Variants in ARL6IP6 observed in about 807,000 individuals in gnomAD.
The protein encoded by ARL6IP6 is ADP-ribosylation factor-like protein 6-interacting protein 6.
Under a neutral mutation model 21.5 loss-of-function variants are expected in ARL6IP6, and 22 were observed. That is an observed-to-expected ratio of 1.02 (90% CI 0.73 to 1.46). ARL6IP6 has a LOEUF of 1.46. Among genes scored for constraint, ARL6IP6 ranks in the 40% most tolerant of loss-of-function variants. The probability of loss-of-function intolerance (pLI) is 0.00; values close to 1 mark genes in which losing one functional copy is unlikely to be tolerated. For synonymous variants in ARL6IP6, 164 were observed against 125.3 expected (o/e 1.31, Z -2.06); for missense variants, 388 against 299.8 (o/e 1.29, Z -2.17).
At chr2:152,728,809 C>T (rs1377570741) in intron 2 of ARL6IP6, among the ~76,000 whole-genome samples, 1 of 152,052 alleles carries the variant, frequency 6.6e-6, no homozygotes, top group Non-Finnish European at 1.5e-5. Context: ...GACTGAAATC[C>T]CAGAACTTTG....
At chr2:152,736,204 ATC>A (rs1700544611) in intron 3 of ARL6IP6, among the ~76,000 whole-genome samples, 1 of 152,230 alleles carries the variant, frequency 6.6e-6, no homozygotes, top group Non-Finnish European at 1.5e-5. Flanking sequence ...TTACAATGCC[ATC>A]CCGTAGTTTA....
intron 3 of ARL6IP6, among the ~76,000 whole-genome samples, chr2:152,746,475 T>A (rs1320907536): frequency 6.6e-6 from 1 of 152,230 alleles, no homozygotes; most frequent in East Asian, 1.9e-4. Flanking sequence ...TTTAACAACC[T>A]ATAAATTACC....
chr2:152,718,239 G>C (rs563113995), upstream of ARL6IP6: 46 of 334,532 alleles, frequency 1.4e-4, no homozygotes, highest in Non-Finnish European at 1.8e-4. Flanking sequence ...GCTAGGACCC[G>C]GCGTCGAAAA....
rs539939386 is a variant in ARL6IP6, at chr2:152,755,219, C to CA, written c.588-4527dup. On this transcript the variant is annotated intron_variant, in intron 3 of 3. Coordinates refer to ENST00000326446, the MANE Select transcript of ARL6IP6 (RefSeq NM_152522.7). ...GCGGTAACGCCAGCATCTGCGAAGA[C>CA]ACGCGTTGCCAAGCGGACCATGGTC... 2.4e-4 allele frequency among the ~76,000 whole-genome samples: 36 copies of CA among 152,332 alleles called. 1 individual carries two copies. The East Asian group carries it at 6.6e-3, about 28-fold the overall frequency.
chr2:152,735,555 A>G (rs1700512922), intron 3 of ARL6IP6, among the ~76,000 whole-genome samples: 1 of 152,184 alleles, frequency 6.6e-6, no homozygotes, highest in Non-Finnish European at 1.5e-5. Flanking sequence ...ATTAGCAAAC[A>G]TTTATGGTAC....
At chr2:152,723,649 C>G (rs1308077205) in intron 2 of ARL6IP6, among the ~76,000 whole-genome samples, 2 of 152,100 alleles carry the variant, frequency 1.3e-5, no homozygotes, top group East Asian at 3.9e-4. Flanking sequence ...AATCCTAGTC[C>G]AAGATTGGCA....
At chr2:152,726,296 C>G (rs1476879891) in intron 2 of ARL6IP6, among the ~76,000 whole-genome samples, 2 of 152,182 alleles carry the variant, frequency 1.3e-5, no homozygotes, top group African/African-American at 4.8e-5. Flanking sequence ...ATGCTACAGT[C>G]TGGGTTGCAG....
chr2:152,718,511 C>T (rs946930031), upstream of ARL6IP6: 44 of 1,434,324 alleles, frequency 3.1e-5, no homozygotes, highest in Admixed American at 9.0e-4. Context: ...GTGGTTTACC[C>T]CTGGGCTCTG....
chr2:152,736,082 T>C (rs1238939653), intron 3 of ARL6IP6, among the ~76,000 whole-genome samples: 4 of 152,184 alleles, frequency 2.6e-5, no homozygotes, highest in Admixed American at 6.5e-5. Context: ...TTTAGTGTTT[T>C]AATCCCTATG....
At chr2:152,742,823 T>C (rs911277696) in intron 3 of ARL6IP6, among the ~76,000 whole-genome samples, 2 of 152,150 alleles carry the variant, frequency 1.3e-5, no homozygotes, top group Non-Finnish European at 2.9e-5. Flanking sequence ...TAGGTGTTAC[T>C]ATTAGTCTGG....
upstream of ARL6IP6, chr2:152,717,703 C>A: frequency 7.2e-7 from 1 of 1,386,836 alleles, no homozygotes; most frequent in Non-Finnish European, 9.4e-7. Context: ...CTACCAACTT[C>A]CCCAGGGGAA....
In ARL6IP6 at chr2:152,746,021, TTTTTTTTTTTTTTA is replaced by T. The variant is rs1415570594; in HGVS notation, c.587+10896_587+10909del. On this transcript the variant is annotated intron_variant, in intron 3 of 3. Coordinates refer to ENST00000326446, the MANE Select transcript of ARL6IP6 (RefSeq NM_152522.7). ...TGTACCTTTTTTTTTTTTTTTTTTT[TTTTTTTTTTTTTTA>T]AAGACAGGTTCTCACTTTGTTGCCC... Among the ~76,000 whole-genome samples the T allele has an allele frequency of 4.3e-5, 5 of 116,602 alleles. No homozygotes were observed. In the East Asian group the frequency reaches 1.0e-3, roughly 24 times the overall value. 76.5% of individuals were successfully genotyped at this position (116,602 alleles called of 152,430 possible). A position where few individuals can be genotyped will look rare whatever the true frequency, so the allele number is the denominator to read the frequency against.
At chr2:152,730,604 A>C (rs774283322) in intron 2 of ARL6IP6, among the ~76,000 whole-genome samples, 1 of 152,082 alleles carries the variant, frequency 6.6e-6, no homozygotes, top group Non-Finnish European at 1.5e-5. Flanking sequence ...TGTTCACCCA[A>C]TTCCAGGTTG....
chr2:152,749,481 C>CT (rs1701220273), intron 3 of ARL6IP6, among the ~76,000 whole-genome samples: 1 of 152,150 alleles, frequency 6.6e-6, no homozygotes, highest in Non-Finnish European at 1.5e-5. Flanking sequence ...AAGGGAGAAT[C>CT]TAAGTAGATG....
intron 3 of ARL6IP6, among the ~76,000 whole-genome samples, chr2:152,743,283 A>G (rs530056459): frequency 1.4e-4 from 21 of 152,304 alleles, no homozygotes; most frequent in African/African-American, 4.8e-4. Flanking sequence ...TGTCACATCT[A>G]GGATAGAAAT....
rs988829469 is a variant in ARL6IP6, at chr2:152,761,623, C to T, written c.*1783C>T. ...CTGTACTTATGATAGTGAATCCCCC[C>T]GTAAGATTATACTGCTGCATTTTTT... On this transcript the variant is annotated 3_prime_UTR_variant, in exon 4 of 4. Coordinates refer to ENST00000326446, the MANE Select transcript of ARL6IP6 (RefSeq NM_152522.7). Among the ~76,000 whole-genome samples the T allele has an allele frequency of 3.3e-5, 5 of 152,128 alleles. No individual in the cohort carries two copies. The highest frequency in any genetic ancestry group is 2.1e-4 in the South Asian group (1 of 4,830).
intron 3 of ARL6IP6, among the ~76,000 whole-genome samples, chr2:152,758,894 G>A (rs1338742201): frequency 6.6e-6 from 1 of 152,142 alleles, no homozygotes; most frequent in Non-Finnish European, 1.5e-5. Context: ...TACTGCTTTT[G>A]TCTTTTGGCT....
chr2:152,717,692 T>C, upstream of ARL6IP6: 2 of 1,398,402 alleles, frequency 1.4e-6, no homozygotes, highest in Non-Finnish European at 1.9e-6. Flanking sequence ...TCGGGAAAAC[T>C]CTACCAACTT....
intron 3 of ARL6IP6, among the ~76,000 whole-genome samples, chr2:152,738,639 A>T (rs1395952426): frequency 6.6e-6 from 1 of 152,128 alleles, no homozygotes; most frequent in African/African-American, 2.4e-5. Context: ...GACCCCTTTT[A>T]GCCACGCCTG....
Sources: gnomAD v4.1 joint callset for allele counts (sites outside exome capture counted in the v4.1 genomes callset) on GRCh38, gnomAD v4.1.1 for gene constraint, MANE v1.5 for transcripts, NCBI Gene and HGNC (gene_info 2026-07-23, HGNC 2026-07-21) for gene names.